The following MMAB variants were observed in gnomAD, a reference collection of about 807,000 sequenced individuals.
MMAB encodes metabolism of cobalamin associated B, also known as corrinoid adenosyltransferase MMAB.
Under a neutral mutation model 30.6 loss-of-function variants are expected in MMAB, and 17 were observed. The observed-to-expected ratio is 0.56, with a 90% confidence interval of 0.38 to 0.83. The LOEUF is 0.83. Among genes scored for constraint, MMAB ranks in the 40% least tolerant of loss-of-function variants. The pLI, the probability that MMAB is intolerant of heterozygous loss-of-function variation, is 0.00. For missense variants in MMAB, 311 were observed against 331.6 expected (o/e 0.94, Z 0.48); for synonymous variants, 134 against 138.6 (o/e 0.97, Z 0.23).
rs1040197881 is a variant in MMAB at position 109,554,033 on chromosome 12, T to C, written c.*2995A>G. The C allele has an allele frequency of 8.8e-6, 4 of 453,988 alleles. No homozygotes were observed. Among genetic ancestry groups the C allele is most frequent in the African/African-American group, 8.0e-5 (4 of 50,006 alleles). 28.1% of individuals were successfully genotyped at this position (453,988 alleles called of 1,614,324 possible). A position where few individuals can be genotyped will look rare whatever the true frequency, so the allele number is the denominator to read the frequency against. ...TTGAGAAATGAGACAGCAGGATCTA[T>C]CAGAGCCTGGCATTGTTCGCCACAG... On this transcript the variant is annotated 3_prime_UTR_variant, in exon 9 of 9. Coordinates refer to ENST00000545712, the MANE Select transcript of MMAB (RefSeq NM_052845.4).
chr12:109,556,882 G>GTGTAGAGT lies in MMAB; in HGVS notation c.*145_*146insACTCTACA, dbSNP rs752612477. ...AGTCCCTTGAGGAAGGTGGCAAGAG[G>GTGTAGAGT]TGTAGATCAAAGCTGAGCTGGGACA... is the stretch of plus-strand genomic sequence containing the variant. On this transcript the variant is annotated 3_prime_UTR_variant, in exon 9 of 9. Coordinates refer to ENST00000545712, the MANE Select transcript of MMAB (RefSeq NM_052845.4). 2.7e-5 allele frequency: 19 copies of GTGTAGAGT among 694,832 alleles called. 1 individual carries two copies. Among genetic ancestry groups the GTGTAGAGT allele is most frequent in the South Asian group, 2.7e-4 (18 of 66,884 alleles). The allele number at this position is 694,832 out of a possible 1,614,324, so 43.0% of individuals were successfully genotyped here. A position where few individuals can be genotyped will look rare whatever the true frequency, so the allele number is the denominator to read the frequency against.
Position 109,554,196 on chromosome 12 carries a change from C to G in MMAB, c.*2832G>C. 1 of 453,448 alleles carries G rather than the reference C, an allele frequency of 2.2e-6. No individual in the cohort carries two copies. Among genetic ancestry groups the G allele is most frequent in the Non-Finnish European group, 4.4e-6 (1 of 226,226 alleles). The allele number at this position is 453,448 out of a possible 1,614,324, so 28.1% of individuals were successfully genotyped here. A position where few individuals can be genotyped will look rare whatever the true frequency, so the allele number is the denominator to read the frequency against. ...GGACAACTTGGTTCCCCACCCAATGCCTCCTTCCAGGGCTGCTATGGGGTT... is the reference window on the plus strand; with the variant it reads ...GGACAACTTGGTTCCCCACCCAATGGCTCCTTCCAGGGCTGCTATGGGGTT... On this transcript the variant is annotated 3_prime_UTR_variant, in exon 9 of 9. Coordinates refer to ENST00000545712, the MANE Select transcript of MMAB (RefSeq NM_052845.4).
intron 4 of MMAB, among the ~76,000 whole-genome samples, chr12:109,563,766 G>A (rs1230203439): frequency 6.6e-6 from 1 of 152,224 alleles, no homozygotes; most frequent in Non-Finnish European, 1.5e-5. Flanking sequence ...GCCACAGCCT[G>A]TGGCAGCCCC....
At position 109,573,476 on chromosome 12, in the gene MMAB, G is replaced by C; in HGVS notation, c.5C>G (p.Ala2Gly). 6.2e-7 allele frequency: 1 copy of C among 1,603,248 alleles called. No homozygotes were observed. The highest frequency in any genetic ancestry group is 1.1e-5 in the South Asian group (1 of 90,244). The change falls in exon 1 of 9, where the codon GCT (alanine) becomes GGT (glycine). Residue 2 changes from alanine to glycine, a missense_variant. Coordinates refer to ENST00000545712, the MANE Select transcript of MMAB (RefSeq NM_052845.4). Reference protein sequence around the residue: MAVCGLGSRLGL... With the variant: MGVCGLGSRLGL... ...AAGACGGCTCCCCAGGCCGCACACA[G>C]CCATGAGCCAGGCTGCTTGACGGGA...
Position 109,555,497 on chromosome 12 carries a change from T to C in MMAB, c.*1531A>G, listed in dbSNP as rs1883941631. 1 of 413,110 alleles carries C rather than the reference T, an allele frequency of 2.4e-6. No homozygotes were observed. Among genetic ancestry groups the C allele is most frequent in the South Asian group, 1.8e-5 (1 of 56,018 alleles). The allele number at this position is 413,110 out of a possible 1,614,324, so 25.6% of individuals were successfully genotyped here. ...TTAGCAGAAATGGGGTTTTACCATG[T>C]TGACCAGGCTGGTCTCAAACTCCTG... On this transcript the variant is annotated 3_prime_UTR_variant, in exon 9 of 9. Transcript: ENST00000545712.
intron 4 of MMAB, among the ~76,000 whole-genome samples, chr12:109,563,853 G>C (rs1009664247): frequency 6.6e-6 from 1 of 152,230 alleles, no homozygotes; most frequent in African/African-American, 2.4e-5. Context: ...GGGAAGGGCT[G>C]ACCCTGCGGG....
intron 4 of MMAB, among the ~76,000 whole-genome samples, chr12:109,564,375 AG>A (rs1455567914): frequency 6.8e-6 from 1 of 146,142 alleles, no homozygotes; most frequent in Non-Finnish European, 1.5e-5. Flanking sequence ...TTTTGGAGAC[AG>A]AGGTTTTTTT....
rs1346547418 is a variant in MMAB, at chr12:109,569,545, C to T, written c.197-682G>A. On this transcript the variant is annotated intron_variant, in intron 2 of 8. Coordinates refer to ENST00000545712, the MANE Select transcript of MMAB (RefSeq NM_052845.4). The surrounding 1 kb of genome is among the most constrained non-coding windows in gnomAD (Gnocchi z 4.1). ...TATATTTTATATCATATATACATTA[C>T]CATTATATTTCACATGAAGTCAAAG... Among the ~76,000 whole-genome samples, 1 of 152,162 alleles carries T rather than the reference C, an allele frequency of 6.6e-6. No homozygotes were observed. The highest frequency in any genetic ancestry group is 2.1e-4 in the South Asian group (1 of 4,824).
At position 109,573,453 on chromosome 12, in the gene MMAB, G is replaced by T. The variant is rs778630670; in HGVS notation, c.28C>A (p.Leu10Ile). The T allele has an allele frequency of 1.2e-5, 20 of 1,607,522 alleles. No individual in the cohort carries two copies. Among genetic ancestry groups the T allele is most frequent in the Non-Finnish European group, 1.7e-5 (20 of 1,178,976 alleles). The change falls in exon 1 of 9, where the codon CTT becomes ATT. Residue 10 changes from leucine (L) to isoleucine (I), a missense_variant. Coordinates refer to ENST00000545712, the MANE Select transcript of MMAB (RefSeq NM_052845.4). MAVCGLGSR[L>I]GLGSRLGLRG... ...AGGCCAAGACGGCTCCCCAGGCCAA[G>T]ACGGCTCCCCAGGCCGCACACAGCC...
intron 3 of MMAB, among the ~76,000 whole-genome samples, chr12:109,567,623 T>C (rs900802605): frequency 3.3e-5 from 5 of 152,128 alleles, no homozygotes; most frequent in Non-Finnish European, 5.9e-5. Flanking sequence ...ATGGAAGGCA[T>C]CATTCCCAAG....
At chr12:109,565,226 C>G in intron 3 of MMAB, 50 bp from the exon 4 acceptor site, 1 of 1,380,640 alleles carries the variant, frequency 7.2e-7, no homozygotes. Flanking sequence ...TGTCCCTAGG[C>G]CCTGTCTTGC....
chr12:109,571,573 C>G (rs1593005951), intron 2 of MMAB, 76 bp downstream of exon 2: 2 of 1,423,606 alleles, frequency 1.4e-6, no homozygotes, highest in Non-Finnish European at 9.9e-7. Flanking sequence ...AAAGTGGCTG[C>G]AAAGAATTTG....
intron 3 of MMAB, among the ~76,000 whole-genome samples, chr12:109,566,430 C>T (rs1304705117): frequency 2.6e-5 from 4 of 152,256 alleles, no homozygotes; most frequent in African/African-American, 7.2e-5. Context: ...TGTGTCTTCC[C>T]CTCTGGACCA....
rs1181527611 is a variant in MMAB, at chr12:109,569,500, T to C, written c.197-637A>G. On this transcript the variant is annotated intron_variant, in intron 2 of 8. Transcript: ENST00000545712. This position sits in a 1 kb window ranked among gnomAD's most constrained non-coding sequence, Gnocchi z 4.1. ...AAAAACCACATACTAACCATCCTGA[T>C]AAAGAAATACAACACGTTCTATATT... 1.3e-5 allele frequency among the ~76,000 whole-genome samples: 2 copies of C among 152,194 alleles called. No individual in the cohort carries two copies. Among genetic ancestry groups the C allele is most frequent in the Non-Finnish European group, 2.9e-5 (2 of 68,038 alleles).
rs762242351 is a variant in MMAB, at chr12:109,553,900, C to T, written c.*3128G>A. The stretch of plus-strand genomic sequence containing the variant: ...ATTGCCACTGACGGGGGCTTCCGAA[C>T]TGGGGACGTTTGTCATTGGGATGTG... On this transcript the variant is annotated 3_prime_UTR_variant, in exon 9 of 9. Coordinates refer to ENST00000545712, the MANE Select transcript of MMAB (RefSeq NM_052845.4). 12 of 453,930 alleles carry T rather than the reference C, an allele frequency of 2.6e-5. No homozygotes were observed. The highest frequency in any genetic ancestry group is 1.9e-4 in the South Asian group (12 of 64,482). 28.1% of individuals were successfully genotyped at this position (453,930 alleles called of 1,614,324 possible). A position where few individuals can be genotyped will look rare whatever the true frequency, so the allele number is the denominator to read the frequency against.
Position 109,554,795 on chromosome 12 carries a change from A to C in MMAB, c.*2233T>G, listed in dbSNP as rs1269894218. The C allele has an allele frequency of 2.2e-6, 1 of 454,106 alleles. No individual in the cohort carries two copies. The highest frequency in any genetic ancestry group is 2.3e-5 in the Admixed American group (1 of 42,580). 28.1% of individuals were successfully genotyped at this position (454,106 alleles called of 1,614,324 possible). The stretch of plus-strand genomic sequence containing the variant: ...TTTGAAAGGCACTGCAGAAGAGCAA[A>C]TGTTTTAAACACCCCATCCTTCCAG... On this transcript the variant is annotated 3_prime_UTR_variant, in exon 9 of 9. Transcript: ENST00000545712.
rs1362038027 is a variant in MMAB at position 109,555,916 on chromosome 12, T to G, written c.*1112A>C. On this transcript the variant is annotated 3_prime_UTR_variant, in exon 9 of 9. Transcript: ENST00000545712. ...GTCCCGAGCCTAGCGCGGTGGCCCA[T>G]GCTAAGCAGCCACTCAGTCAATATG... is the stretch of plus-strand genomic sequence containing the variant. The G allele has an allele frequency of 6.6e-6, 3 of 453,958 alleles. No homozygotes were observed. Among genetic ancestry groups the G allele is most frequent in the African/African-American group, 2.0e-5 (1 of 49,998 alleles). 28.1% of individuals were successfully genotyped at this position (453,958 alleles called of 1,614,324 possible).
rs1248133727 is a variant in MMAB at position 109,556,126 on chromosome 12, A to G, written c.*902T>C. 4.4e-6 allele frequency: 2 copies of G among 453,494 alleles called. No homozygotes were observed. Among genetic ancestry groups the G allele is most frequent in the African/African-American group, 2.0e-5 (1 of 50,002 alleles). 28.1% of individuals were successfully genotyped at this position (453,494 alleles called of 1,614,324 possible). A position where few individuals can be genotyped will look rare whatever the true frequency, so the allele number is the denominator to read the frequency against. On this transcript the variant is annotated 3_prime_UTR_variant, in exon 9 of 9. Coordinates refer to ENST00000545712, the MANE Select transcript of MMAB (RefSeq NM_052845.4). ...GGCACTGGCAGTGTCGTTTCATAGC[A>G]GGAGGGAGCAGCAGTGACAACTGAA...
At position 109,568,804 on chromosome 12, in the gene MMAB, CGGCTTCAAACACTT is replaced by C; in HGVS notation, c.242_255del (p.Gln81ArgfsTer6). On this transcript the variant is annotated frameshift_variant, in exon 3 of 9. Transcript: ENST00000545712. LOFTEE classifies it high-confidence loss of function. ...GAACTTAATTCATCTGTAGTTCCCA[CGGCTTCAAACACTT>C]GGTCATCTTTGGGTCTCCTTTCTCC... 1 of 1,614,148 alleles carries C rather than the reference CGGCTTCAAACACTT, an allele frequency of 6.2e-7. No homozygotes were observed. The highest frequency in any genetic ancestry group is 8.5e-7 in the Non-Finnish European group (1 of 1,179,958).
Sources: allele counts gnomAD v4.1 joint callset (sites outside exome capture counted in the v4.1 genomes callset), GRCh38; gene constraint gnomAD v4.1.1; non-coding constraint Gnocchi (gnomAD v3.1); transcripts MANE v1.5; gene names NCBI Gene and HGNC (gene_info 2026-07-23, HGNC 2026-07-21).